Variants in ABR observed in about 807,000 individuals in gnomAD.
ABR encodes ABR activator of RhoGEF and GTPase.
ABR carries 35 observed loss-of-function variants against 107.2 expected under a neutral mutation model. The observed-to-expected ratio is 0.33, with a 90% CI of 0.25 to 0.43. ABR has a LOEUF of 0.43. Among genes scored for constraint, ABR ranks in the 20% least tolerant of loss-of-function variants. The pLI is 1.00. For missense variants in ABR, 815 were observed against 1,115.2 expected, an observed-to-expected ratio of 0.73 and a Z score of 3.83; for synonymous variants, 498 against 462.0, an observed-to-expected ratio of 1.08 and a Z score of -1.00.
At chr17:1,206,981 A>AG (rs1325419676) in intron 1 of ABR, among the ~76,000 whole-genome samples, 14 of 152,040 alleles carry the variant, frequency 9.2e-5, no homozygotes, top group Admixed American at 8.5e-4. Context: ...GCTACTCGGG[A>AG]GCTGAGGCAG....
rs1269756323 is a variant in ABR, at chr17:1,210,045, A to G, written c.838+18748T>C. Among the ~76,000 whole-genome samples the G allele has an allele frequency of 6.6e-6, 1 of 152,242 alleles. No homozygotes were observed. The highest frequency in any genetic ancestry group is 2.1e-4 in the South Asian group (1 of 4,832). On this transcript the variant is annotated intron_variant, in intron 1 of 22. Transcript: ENST00000574139. The surrounding 1 kb of genome is among the most constrained non-coding windows in gnomAD (Gnocchi z 5.6). ...CCAACAAATTAAAAAAAGAAAACAC[A>G]TATCTTTCATGGCAAAGACACCTAA...
intron 16 of ABR, chr17:1,031,540 CGAGCCCCG>C: frequency 2.0e-5 from 10 of 498,440 alleles, no homozygotes; most frequent in Non-Finnish European, 2.7e-5. Context: ...CGCAGCCCCC[CGAGCCCCG>C]CAGCGCCCCC....
At chr17:1,034,590 C>T (rs2073029284) in intron 16 of ABR, among the ~76,000 whole-genome samples, 3 of 152,080 alleles carry the variant, frequency 2.0e-5, no homozygotes, top group African/African-American at 4.8e-5. Flanking sequence ...GAGGGGTCAG[C>T]GTGGGGCCCT....
At position 1,037,104 on chromosome 17, in the gene ABR, C is replaced by CATCT. The variant is rs1567625980; in HGVS notation, c.1791+12945_1791+12946insAGAT. On this transcript the variant is annotated intron_variant, in intron 16 of 22. Coordinates refer to ENST00000302538, the MANE Select transcript of ABR (RefSeq NM_021962.5). This position sits in a 1 kb window ranked among gnomAD's most constrained non-coding sequence, Gnocchi z 4.6. ...CCATCCTTCCATCCATCCATCCATCCATCCACCCACCCACCCATCCATCCA... is the reference window on the plus strand; with the variant it reads ...CCATCCTTCCATCCATCCATCCATCCATCTATCCACCCACCCACCCATCCATCCA... 6.7e-6 allele frequency among the ~76,000 whole-genome samples: 1 copy of CATCT among 150,008 alleles called. No homozygotes were observed. Among genetic ancestry groups the CATCT allele is most frequent in the African/African-American group, 2.5e-5 (1 of 40,222 alleles).
chr17:1,169,522 T>A (rs1050216993), intron 1 of ABR, among the ~76,000 whole-genome samples: 1 of 152,136 alleles, frequency 6.6e-6, no homozygotes, highest in African/African-American at 2.4e-5. Flanking sequence ...TGATTTGAAG[T>A]CCCAGCCAAA....
Position 1,070,278 on chromosome 17 carries a change from G to C in ABR, c.895-188C>G, listed in dbSNP as rs910498700. On this transcript the variant is annotated intron_variant, in intron 8 of 22. Transcript: ENST00000302538. The surrounding 1 kb of genome is among the most constrained non-coding windows in gnomAD (Gnocchi z 4.2). The stretch of plus-strand genomic sequence containing the variant: ...TGGGCATGGGTTTGAATGCCAACAG[G>C]CTTCTCAGCTGTGATCTCAGACAGG... 1.3e-5 allele frequency among the ~76,000 whole-genome samples: 2 copies of C among 152,084 alleles called. No individual in the cohort carries two copies. The highest frequency in any genetic ancestry group is 4.8e-5 in the African/African-American group (2 of 41,408).
intron 10 of ABR, among the ~76,000 whole-genome samples, chr17:1,062,576 C>CTGT (rs1332173331): frequency 1.5e-5 from 2 of 131,528 alleles, no homozygotes; most frequent in African/African-American, 5.8e-5. Flanking sequence ...CCTCTAGACA[C>CTGT]TGTTATGTGA....
chr17:1,088,791 G>A (rs2036806981), intron 4 of ABR, among the ~76,000 whole-genome samples: 1 of 151,494 alleles, frequency 6.6e-6, no homozygotes. Context: ...GTTTCACCAT[G>A]TTGGCCAAGC....
chr17:1,147,901 G>A (rs912702859), intron 1 of ABR, among the ~76,000 whole-genome samples: 4 of 152,170 alleles, frequency 2.6e-5, no homozygotes, highest in African/African-American at 9.7e-5. Context: ...GGGGAAAGAC[G>A]GGAAAGCAAG....
intron 2 of ABR, among the ~76,000 whole-genome samples, chr17:1,107,458 G>A (rs2038331691): frequency 6.6e-6 from 1 of 152,254 alleles, no homozygotes; most frequent in African/African-American, 2.4e-5. Flanking sequence ...CAAATGTCTA[G>A]AGTTCTGAGC....
At chr17:1,044,057 C>A (rs1288685966) in intron 16 of ABR, among the ~76,000 whole-genome samples, 2 of 152,220 alleles carry the variant, frequency 1.3e-5, no homozygotes, top group African/African-American at 4.8e-5. Flanking sequence ...AAGGGCCGGA[C>A]CCTGGGAATA....
In ABR at chr17:1,011,744, T is replaced by C. The variant is rs1007173453; in HGVS notation, c.2101+102A>G. ...CGGGGACTCTGAAGCAGAGCAAGCC[T>C]CCTCTCCAGGGAGGCTCCTGGTTCC... On this transcript the variant is annotated intron_variant, in intron 19 of 22. Transcript: ENST00000302538. The surrounding 1 kb of genome is among the most constrained non-coding windows in gnomAD (Gnocchi z 4.8). 3 of 1,421,048 alleles carry C rather than the reference T, an allele frequency of 2.1e-6. No homozygotes were observed. Among genetic ancestry groups the C allele is most frequent in the South Asian group, 3.1e-5 (2 of 64,056 alleles). 88.0% of individuals were successfully genotyped at this position (1,421,048 alleles called of 1,614,324 possible).
intron 16 of ABR, among the ~76,000 whole-genome samples, chr17:1,043,379 G>A (rs1597507263): frequency 6.6e-6 from 1 of 152,074 alleles, no homozygotes; most frequent in South Asian, 2.1e-4. Context: ...ATGTTGGCCA[G>A]GCTGGTCTTG....
At chr17:1,047,150 T>C (rs1665494895) in intron 16 of ABR, among the ~76,000 whole-genome samples, 1 of 152,144 alleles carries the variant, frequency 6.6e-6, no homozygotes, top group Admixed American at 6.5e-5. Flanking sequence ...ACTGCCCTCC[T>C]CCTCCTGCCT....
At chr17:1,129,526 C>T (rs907513754) in intron 1 of ABR, among the ~76,000 whole-genome samples, 8 of 151,842 alleles carry the variant, frequency 5.3e-5, no homozygotes, top group African/African-American at 1.9e-4. Context: ...ATCAAGACTC[C>T]GTCTCAAAAA....
At chr17:1,205,602 C>G (rs547758119) in intron 1 of ABR, among the ~76,000 whole-genome samples, 64 of 152,244 alleles carry the variant, frequency 4.2e-4, no homozygotes, top group African/African-American at 1.5e-3. Context: ...CTTGACCCAG[C>G]AGTTTGAGAC....
intron 1 of ABR, among the ~76,000 whole-genome samples, chr17:1,203,342 GGGA>G (rs2042709359): frequency 6.7e-6 from 1 of 150,002 alleles, no homozygotes; most frequent in African/African-American, 2.4e-5. Flanking sequence ...GGGGTCCGCG[GGGA>G]GGAGCCTGCG....
intron 1 of ABR, among the ~76,000 whole-genome samples, chr17:1,193,884 C>T (rs368503201): frequency 3.0e-4 from 46 of 151,300 alleles, no homozygotes; most frequent in East Asian, 2.4e-3. Flanking sequence ...TTAATAGAGA[C>T]GGGGTTTCAC....
rs568548277 is a variant in ABR, at chr17:1,050,395, C to T, written c.1659+142G>A. On this transcript the variant is annotated intron_variant, in intron 15 of 22. Coordinates refer to ENST00000302538, the MANE Select transcript of ABR (RefSeq NM_021962.5). This position sits in a 1 kb window ranked among gnomAD's most constrained non-coding sequence, Gnocchi z 4.6. ...GGGTCTGACACCCAGACACACACCG[C>T]GATCAGAAGCCAGAGGAGCAGGGAG... is the stretch of plus-strand genomic sequence containing the variant. 4.3e-4 allele frequency: 412 copies of T among 965,336 alleles called. 4 individuals are homozygous for T. The South Asian group carries it at 5.2e-3, about 12-fold the overall frequency. 59.8% of individuals were successfully genotyped at this position (965,336 alleles called of 1,614,324 possible).
Sources: gnomAD v4.1 joint callset for allele counts (sites outside exome capture counted in the v4.1 genomes callset) on GRCh38, gnomAD v4.1.1 for gene constraint, Gnocchi (gnomAD v3.1) non-coding constraint, MANE v1.5 for transcripts, NCBI Gene and HGNC (gene_info 2026-07-23, HGNC 2026-07-21) for gene names.